CROCC2: variants seen among roughly 807,000 people sequenced by gnomAD.
CROCC2 encodes ciliary rootlet coiled-coil, rootletin family member 2.
CROCC2 carries 163 observed loss-of-function variants against 177.6 expected under a neutral mutation model. That is an observed-to-expected ratio of 0.92 (90% CI 0.81 to 1.05). The LOEUF (loss-of-function observed/expected upper bound fraction) is 1.05. Ranked by LOEUF, CROCC2 falls within the 50% of genes least tolerant of loss-of-function variation. The pLI is 0.00. For missense variants in CROCC2, 1,929 were observed against 1,797.8 expected (o/e 1.07, Z -1.32); for synonymous variants, 904 against 787.3 (o/e 1.15, Z -2.48).
intron 1 of CROCC2, among the ~76,000 whole-genome samples, chr2:240,916,040 G>C (rs1406739012): frequency 6.6e-6 from 1 of 152,140 alleles, no homozygotes; most frequent in Admixed American, 6.5e-5. Context: ...CACAGGTCGC[G>C]GAGGGGACGC....
At chr2:240,954,783 T>C (rs185908119) in intron 18 of CROCC2, 4 of 152,252 alleles carry the variant, frequency 2.6e-5, no homozygotes, top group Admixed American at 2.6e-4. Context: ...ACAGTCCCCA[T>C]CCTGAAATTC....
At chr2:240,968,572 G>T (rs369320799) in intron 27 of CROCC2, among the ~76,000 whole-genome samples, 13 of 149,048 alleles carry the variant, frequency 8.7e-5, no homozygotes, top group East Asian at 5.8e-4. Context: ...CACAGCGAGT[G>T]GGGGGCAGAG....
chr2:240,946,923 G>T (rs1023657805), intron 15 of CROCC2, among the ~76,000 whole-genome samples: 1 of 152,254 alleles, frequency 6.6e-6, no homozygotes, highest in Non-Finnish European at 1.5e-5. Flanking sequence ...GTGTGGGCGG[G>T]TGAGCCCAAA....
rs1385351062 is a variant in CROCC2, at chr2:240,932,246, G to T, written c.948-72G>T. ...GCCACCGCACAAAGGAGTCCGGGCA[G>T]AGCCAGGGCATGCTTGGGTGCCCGT... On this transcript the variant is annotated intron_variant, in intron 7 of 31. Coordinates refer to ENST00000690015, the MANE Select transcript of CROCC2 (RefSeq NM_001351305.2). 4.5e-6 allele frequency: 3 copies of T among 664,356 alleles called. 1 individual carries two copies. Among genetic ancestry groups the T allele is most frequent in the Non-Finnish European group, 8.5e-6 (3 of 354,454 alleles). 41.2% of individuals were successfully genotyped at this position (664,356 alleles called of 1,614,324 possible).
In CROCC2 at chr2:240,960,186, A is replaced by G. The variant is rs966303145; in HGVS notation, c.3087+742A>G. 1.6e-4 allele frequency among the ~76,000 whole-genome samples: 24 copies of G among 152,248 alleles called. No homozygotes were observed. The highest frequency in any genetic ancestry group is 4.6e-4 in the Admixed American group (7 of 15,294). On this transcript the variant is annotated intron_variant, in intron 20 of 31. Coordinates refer to ENST00000690015, the MANE Select transcript of CROCC2 (RefSeq NM_001351305.2). This position sits in a 1 kb window ranked among gnomAD's most constrained non-coding sequence, Gnocchi z 5.0. ...AAGAGGCCCATCGAGCCATCCACTG[A>G]GGCACGGGGAGGCCCTAGACAAGCT...
chr2:240,989,026 G>T (rs922590770), intron 29 of CROCC2, among the ~76,000 whole-genome samples, 156 bp downstream of exon 29: 2 of 152,128 alleles, frequency 1.3e-5, no homozygotes, highest in African/African-American at 4.8e-5. Flanking sequence ...TGCATGTGAT[G>T]GATACAGACT....
chr2:240,928,521 C>T (rs927862386), intron 5 of CROCC2, among the ~76,000 whole-genome samples: 1 of 151,974 alleles, frequency 6.6e-6, no homozygotes, highest in African/African-American at 2.4e-5. Flanking sequence ...GTGTTCCAGC[C>T]GTTCAGGCCA....
In CROCC2 at chr2:240,991,280, T is replaced by C; in HGVS notation, c.4946+2T>C. Reference sequence around the variant, plus strand: ...CGGCCAGGCCTTCCAGACAGGACAGTGAGCCCTGCTGCATACCACCCAGCA... The same window carrying C: ...CGGCCAGGCCTTCCAGACAGGACAGCGAGCCCTGCTGCATACCACCCAGCA... On this transcript the variant is annotated splice_donor_variant, in intron 31 of 31. Coordinates refer to ENST00000690015, the MANE Select transcript of CROCC2 (RefSeq NM_001351305.2). LOFTEE classifies it high-confidence loss of function. The C allele has an allele frequency of 1.9e-6, 3 of 1,546,850 alleles. No homozygotes were observed. The highest frequency in any genetic ancestry group is 2.6e-6 in the Non-Finnish European group (3 of 1,144,938).
chr2:240,954,024 C>A (rs1003866965), intron 18 of CROCC2, among the ~76,000 whole-genome samples: 1 of 152,154 alleles, frequency 6.6e-6, no homozygotes, highest in African/African-American at 2.4e-5. Flanking sequence ...CCTTGCAGAC[C>A]TTATAGTCCA....
rs993186078 is a variant in CROCC2 at position 240,953,842 on chromosome 2, C to T, written c.2830-2017C>T. ...GTCTCCACTGGAACCCTCCATTCTC[C>T]GACCCGCTGTGTCTGAATGGCGGCT... On this transcript the variant is annotated intron_variant, in intron 18 of 31. Coordinates refer to ENST00000690015, the MANE Select transcript of CROCC2 (RefSeq NM_001351305.2). This position sits in a 1 kb window ranked among gnomAD's most constrained non-coding sequence, Gnocchi z 4.0. Among the ~76,000 whole-genome samples, 2 of 152,222 alleles carry T rather than the reference C, an allele frequency of 1.3e-5. No homozygotes were observed. The highest frequency in any genetic ancestry group is 2.4e-5 in the African/African-American group (1 of 41,468).
intron 4 of CROCC2, among the ~76,000 whole-genome samples, chr2:240,925,275 G>A (rs922956373): frequency 1.3e-5 from 2 of 152,204 alleles, no homozygotes; most frequent in Admixed American, 6.5e-5. Flanking sequence ...ACTGCAGCAA[G>A]TGTGGACCTA....
chr2:240,951,536 A>G (rs1432323579), intron 18 of CROCC2, among the ~76,000 whole-genome samples: 1 of 152,058 alleles, frequency 6.6e-6, no homozygotes, highest in Non-Finnish European at 1.5e-5. Flanking sequence ...ATCCACCCAG[A>G]TATATGGCCA....
intron 14 of CROCC2, among the ~76,000 whole-genome samples, chr2:240,945,446 C>T (rs1230848987): frequency 6.6e-6 from 1 of 152,198 alleles, no homozygotes; most frequent in African/African-American, 2.4e-5. Flanking sequence ...GCTCTGAACC[C>T]TAACTTTTGT....
Position 240,919,075 on chromosome 2 carries a change from G to A in CROCC2, c.229+199G>A, listed in dbSNP as rs13034652. Among the ~76,000 whole-genome samples the A allele has an allele frequency of 1.4e-4, 3 of 21,304 alleles. No individual in the cohort carries two copies. The East Asian group carries it at 5.5e-3, about 39-fold the overall frequency. 14.0% of individuals were successfully genotyped at this position (21,304 alleles called of 152,430 possible). On this transcript the variant is annotated intron_variant, in intron 2 of 31. Transcript: ENST00000690015. The stretch of plus-strand genomic sequence containing the variant: ...GGCGTGGGGGACGGTCCTGGGCCCG[G>A]GGCTGGGCAAGGTGATGGCGTGGGG...
At chr2:240,937,806 G>A (rs149966155) in intron 14 of CROCC2, among the ~76,000 whole-genome samples, 243 of 152,280 alleles carry the variant, frequency 1.6e-3, no homozygotes, top group African/African-American at 5.7e-3. Context: ...GGGCCTGGTG[G>A]GAGGTGATTT....
intron 4 of CROCC2, among the ~76,000 whole-genome samples, 186 bp downstream of exon 4, chr2:240,922,831 C>T (rs1223475934): frequency 6.6e-6 from 1 of 152,158 alleles, no homozygotes; most frequent in Non-Finnish European, 1.5e-5. Flanking sequence ...CTGGAGAAGG[C>T]ACGGCTGGGA....
Position 240,968,161 on chromosome 2 carries a change from G to T in CROCC2, c.4300G>T (p.Ala1434Ser). Residue 1434 changes from alanine (A) to serine (S), a missense_variant, in exon 27 of 32, where the codon GCC (alanine) becomes TCC (serine). By Grantham distance (99) the Ala-to-Ser change is moderately conservative (BLOSUM62 1). This residue lies in a region of CROCC2 where 388 missense variants were observed against 352.7 expected (regional missense o/e 1.10). Coordinates refer to ENST00000690015, the MANE Select transcript of CROCC2 (RefSeq NM_001351305.2). ...CCGGGTGGAGGGCGCGCTGAGCAGCGCCCGGGCAGCACGTGCCCTGCAGAA... is the reference window on the plus strand; with the variant it reads ...CCGGGTGGAGGGCGCGCTGAGCAGCTCCCGGGCAGCACGTGCCCTGCAGAA... ...QRRVEGALSS[A>S]RAARALQKEA... 2 of 1,523,864 alleles carry T rather than the reference G, an allele frequency of 1.3e-6. No homozygotes were observed. The highest frequency in any genetic ancestry group is 1.8e-6 in the Non-Finnish European group (2 of 1,139,818). 94.4% of individuals were successfully genotyped at this position (1,523,864 alleles called of 1,614,324 possible).
Position 240,934,426 on chromosome 2 carries a change from G to C in CROCC2, c.1742G>C (p.Arg581Pro), listed in dbSNP as rs1314156878. ...GCACTGAGCACAGCACAGCTGCAGC[G>C]GGATGTCGTGGAGAGTGAGAGGGAG... ...REALSTAQLQ[R>P]DVVESEREGL... Residue 581 changes from arginine to proline, a missense_variant, in exon 12 of 32, where the codon CGG becomes CCG. Coordinates refer to ENST00000690015, the MANE Select transcript of CROCC2 (RefSeq NM_001351305.2). The C allele has an allele frequency of 6.5e-7, 1 of 1,548,596 alleles. No individual in the cohort carries two copies. The highest frequency in any genetic ancestry group is 2.0e-5 in the Admixed American group (1 of 51,006).
Position 240,953,097 on chromosome 2 carries a change from C to T in CROCC2, c.2829+2587C>T, listed in dbSNP as rs982619935. 3.3e-5 allele frequency among the ~76,000 whole-genome samples: 5 copies of T among 152,050 alleles called. No homozygotes were observed. The South Asian group carries it at 1.0e-3, about 32-fold the overall frequency. ...CCAGCTTCCCAGTGGCACACACAGCCCCCAAGAGAGGGGACCTCGGTCAAA... is the reference window on the plus strand; with the variant it reads ...CCAGCTTCCCAGTGGCACACACAGCTCCCAAGAGAGGGGACCTCGGTCAAA... On this transcript the variant is annotated intron_variant, in intron 18 of 31. Coordinates refer to ENST00000690015, the MANE Select transcript of CROCC2 (RefSeq NM_001351305.2). The surrounding 1 kb of genome is among the most constrained non-coding windows in gnomAD (Gnocchi z 4.0).
Sources: gnomAD v4.1 joint callset for allele counts (sites outside exome capture counted in the v4.1 genomes callset) on GRCh38, gnomAD v4.1.1 for gene constraint, gnomAD v4.1.1 regional missense constraint, Gnocchi (gnomAD v3.1) non-coding constraint, MANE v1.5 for transcripts, NCBI Gene and HGNC (gene_info 2026-07-23, HGNC 2026-07-21) for gene names.